The following LINGO2 variants were observed in gnomAD, a reference collection of about 807,000 sequenced individuals.
LINGO2 encodes leucine rich repeat and Ig domain containing 2.
LINGO2 carries 14 observed loss-of-function variants against 30.6 expected under a neutral mutation model. That is an observed-to-expected ratio of 0.46 (90% CI 0.30 to 0.72). The LOEUF (loss-of-function observed/expected upper bound fraction) is 0.72, where lower values mean the gene tolerates loss of function less well. Ranked by LOEUF, LINGO2 falls within the 30% of genes least tolerant of loss-of-function variation. The pLI is 0.07. For synonymous variants in LINGO2, 317 were observed against 288.5 expected, an observed-to-expected ratio of 1.10 and a Z score of -1.00; for missense variants, 729 against 751.7, an observed-to-expected ratio of 0.97 and a Z score of 0.35.
At chr9:28,207,801 G>A (rs1820459682) in intron 4 of LINGO2, among the ~76,000 whole-genome samples, 1 of 152,048 alleles carries the variant, frequency 6.6e-6, no homozygotes, top group Admixed American at 6.6e-5. Context: ...AAAATAATTA[G>A]CTATGTTTAA....
chr9:28,101,981 G>A (rs1281330731), intron 4 of LINGO2, among the ~76,000 whole-genome samples: 1 of 152,078 alleles, frequency 6.6e-6, no homozygotes, highest in African/African-American at 2.4e-5. Flanking sequence ...ATAGACTGGT[G>A]TGACAAATAT....
At chr9:28,015,448 A>G (rs1822780091) in intron 4 of LINGO2, among the ~76,000 whole-genome samples, 1 of 150,958 alleles carries the variant, frequency 6.6e-6, no homozygotes, top group African/African-American at 2.4e-5. Flanking sequence ...CAAGCCCGTA[A>G]GTAAATCATC....
the LINGO2 span, among the ~76,000 whole-genome samples, chr9:28,969,368 G>A: frequency 6.6e-6 from 1 of 152,284 alleles, no homozygotes; most frequent in African/African-American, 2.4e-5. Context: ...GGGGCAGGTA[G>A]TGGGCCCTGT....
chr9:28,595,944 G>T (rs1158153583), intron 1 of LINGO2, among the ~76,000 whole-genome samples: 1 of 152,074 alleles, frequency 6.6e-6, no homozygotes, highest in Non-Finnish European at 1.5e-5. Context: ...AAAACACATT[G>T]CTTTTTTAAA....
At chr9:28,524,130 T>G (rs1423280245) in intron 1 of LINGO2, among the ~76,000 whole-genome samples, 1 of 152,010 alleles carries the variant, frequency 6.6e-6, no homozygotes, top group Non-Finnish European at 1.5e-5. Context: ...AACTTTAGGG[T>G]CAATTGATTT....
intron 1 of LINGO2, among the ~76,000 whole-genome samples, chr9:28,635,098 TTGA>T (rs1224158504): frequency 3.3e-5 from 5 of 152,302 alleles, no homozygotes; most frequent in South Asian, 2.1e-4. Context: ...AAATAGCTTC[TTGA>T]TGACATTTTG....
chr9:29,052,523 T>C, the LINGO2 span, among the ~76,000 whole-genome samples: 1 of 152,228 alleles, frequency 6.6e-6, no homozygotes, highest in African/African-American at 2.4e-5. Flanking sequence ...GAAATCTACT[T>C]TTGAAGAAAT....
At chr9:28,688,466 A>G in the LINGO2 span, among the ~76,000 whole-genome samples, 1 of 152,132 alleles carries the variant, frequency 6.6e-6, no homozygotes, top group Non-Finnish European at 1.5e-5. Flanking sequence ...TTCTAAACCT[A>G]AAACCTCATG....
intron 1 of LINGO2, among the ~76,000 whole-genome samples, chr9:28,605,864 G>T (rs1278389870): frequency 6.6e-6 from 1 of 152,024 alleles, no homozygotes; most frequent in Non-Finnish European, 1.5e-5. Flanking sequence ...CTCCATAGTT[G>T]CTACAAAGTC....
At chr9:28,526,266 G>C (rs560634678) in intron 1 of LINGO2, among the ~76,000 whole-genome samples, 21 of 152,024 alleles carry the variant, frequency 1.4e-4, no homozygotes, top group Non-Finnish European at 2.6e-4. Context: ...ATGCTTTAAA[G>C]AAAGAATCCT....
At chr9:28,049,370 C>G (rs1216755321) in intron 4 of LINGO2, among the ~76,000 whole-genome samples, 1 of 150,602 alleles carries the variant, frequency 6.6e-6, no homozygotes, top group African/African-American at 2.5e-5. Flanking sequence ...TTTTAGAACC[C>G]CCAAGGTGGT....
At chr9:28,669,021 A>T (rs891988623) in intron 1 of LINGO2, among the ~76,000 whole-genome samples, 21 of 152,080 alleles carry the variant, frequency 1.4e-4, no homozygotes, top group African/African-American at 5.1e-4. Context: ...AAAAAATTTG[A>T]CCAATATTGT....
At chr9:28,140,839 G>A (rs1338248332) in intron 4 of LINGO2, among the ~76,000 whole-genome samples, 1 of 151,924 alleles carries the variant, frequency 6.6e-6, no homozygotes, top group Non-Finnish European at 1.5e-5. Flanking sequence ...TCCTGTACAG[G>A]TCTTGGCACA....
intron 1 of LINGO2, among the ~76,000 whole-genome samples, chr9:28,523,319 A>G (rs1272606609): frequency 1.3e-5 from 2 of 152,138 alleles, no homozygotes; most frequent in East Asian, 3.8e-4. Flanking sequence ...AACTTCTTCA[A>G]CCAGATAAAG....
chr9:29,177,246 A>G, the LINGO2 span, among the ~76,000 whole-genome samples: 3 of 152,214 alleles, frequency 2.0e-5, no homozygotes, highest in Non-Finnish European at 4.4e-5. Flanking sequence ...TAGCACTTCT[A>G]GATTACAAAA....
At chr9:27,984,612 T>C (rs983783054) in intron 5 of LINGO2, among the ~76,000 whole-genome samples, 2 of 151,830 alleles carry the variant, frequency 1.3e-5, no homozygotes, top group Non-Finnish European at 2.9e-5. Context: ...TTCTTTCTAC[T>C]ATAGATCACT....
At chr9:28,642,089 G>T (rs886991571) in intron 1 of LINGO2, among the ~76,000 whole-genome samples, 11 of 151,010 alleles carry the variant, frequency 7.3e-5, no homozygotes, top group African/African-American at 2.4e-4. Flanking sequence ...GTATGTGTGT[G>T]CATATAAAAA....
chr9:28,645,951 T>C (rs1827822479), intron 1 of LINGO2, among the ~76,000 whole-genome samples: 1 of 152,146 alleles, frequency 6.6e-6, no homozygotes. Flanking sequence ...CTGAGTTTAG[T>C]AATTTTAACT....
At chr9:28,486,084 A>C (rs1826153811) in intron 1 of LINGO2, among the ~76,000 whole-genome samples, 1 of 152,124 alleles carries the variant, frequency 6.6e-6, no homozygotes, top group African/African-American at 2.4e-5. Context: ...AATTAATTTC[A>C]ATTAGTCTGA....
Sources: allele counts gnomAD v4.1 joint callset (sites outside exome capture counted in the v4.1 genomes callset), GRCh38; gene constraint gnomAD v4.1.1; transcripts MANE v1.5; gene names NCBI Gene and HGNC (gene_info 2026-07-23, HGNC 2026-07-21).